The following YIPF4 variants were observed in gnomAD, a reference collection of about 807,000 sequenced individuals.
YIPF4 encodes protein YIPF4.
Under a neutral mutation model 29.4 loss-of-function variants are expected in YIPF4, and 18 were observed. The ratio of observed to expected loss-of-function variants is 0.61; its 90% CI spans 0.42 to 0.91. The LOEUF (loss-of-function observed/expected upper bound fraction) is 0.91, where lower values mean the gene tolerates loss of function less well. Among genes scored for constraint, YIPF4 ranks in the 40% least tolerant of loss-of-function variants. The pLI, the probability that YIPF4 is intolerant of heterozygous loss-of-function variation, is 0.00. For synonymous variants in YIPF4, 115 were observed against 104.7 expected (o/e 1.10, Z -0.60); for missense variants, 279 against 282.7 (o/e 0.99, Z 0.09).
intron 4 of YIPF4, among the ~76,000 whole-genome samples, chr2:32,300,966 C>A (rs2031384129): frequency 6.6e-6 from 1 of 152,194 alleles, no homozygotes; most frequent in African/African-American, 2.4e-5. Flanking sequence ...GGCTACCTTC[C>A]CTTTCCTTCT....
At chr2:32,287,981 A>G (rs974157081) in intron 1 of YIPF4, among the ~76,000 whole-genome samples, 19 of 152,354 alleles carry the variant, frequency 1.2e-4, no homozygotes, top group Non-Finnish European at 2.2e-4. Context: ...AGAGCTGACA[A>G]CCAAGCTAGC....
rs1387906976 is a variant in YIPF4, at chr2:32,311,696, C to G, written c.*6070C>G. On this transcript the variant is annotated 3_prime_UTR_variant, in exon 6 of 6. Coordinates refer to ENST00000238831, the MANE Select transcript of YIPF4 (RefSeq NM_032312.4). ...CCCACCTGTAATAATTTTGTTAACA[C>G]TAGACTATCAGTAAATTATCAAGAA... 2 of 152,172 alleles carry G rather than the reference C, an allele frequency of 1.3e-5. No homozygotes were observed. Among genetic ancestry groups the G allele is most frequent in the African/African-American group, 4.8e-5 (2 of 41,442 alleles). 9.4% of individuals were successfully genotyped at this position (152,172 alleles called of 1,614,324 possible).
intron 1 of YIPF4, among the ~76,000 whole-genome samples, chr2:32,279,188 C>G (rs2148955723): frequency 6.6e-6 from 1 of 151,800 alleles, no homozygotes; most frequent in South Asian, 2.1e-4. Flanking sequence ...CCATGATGGT[C>G]TCTCGATCTC....
chr2:32,280,444 G>A (rs191116312), intron 1 of YIPF4, among the ~76,000 whole-genome samples: 125 of 149,182 alleles, frequency 8.4e-4, no homozygotes, highest in South Asian at 2.7e-3. Context: ...CAGTGGCGCA[G>A]TCTCAGCTCA....
chr2:32,290,629 C>A lies in YIPF4; in HGVS notation c.226C>A (p.Pro76Thr). The stretch of plus-strand genomic sequence containing the variant: ...AGATGATGATCCTGAAGATAACAAG[C>A]CACTCTTGTATGTAAAAATAATAAT... ...VEDDDPEDNK[P>T]LLEELDIDLK... The change falls in exon 2 of 6, where the codon CCA becomes ACA. Residue 76 changes from proline (P) to threonine (T), a missense_variant. Transcript: ENST00000238831. 1 of 1,518,882 alleles carries A rather than the reference C, an allele frequency of 6.6e-7. No homozygotes were observed. The allele number at this position is 1,518,882 out of a possible 1,614,324, so 94.1% of individuals were successfully genotyped here. A position where few individuals can be genotyped will look rare whatever the true frequency, so the allele number is the denominator to read the frequency against.
chr2:32,282,261 T>C (rs1013248476), intron 1 of YIPF4, among the ~76,000 whole-genome samples: 3 of 152,020 alleles, frequency 2.0e-5, no homozygotes, highest in African/African-American at 7.2e-5. Flanking sequence ...TGACACCCCA[T>C]CTCAAAAAAA....
rs1307575503 is a variant in YIPF4 at position 32,293,683 on chromosome 2, C to T, written c.405+1335C>T. On this transcript the variant is annotated intron_variant, in intron 3 of 5. Transcript: ENST00000238831. ...TAGGGGAGGCCGGGCAGAGGCACCC[C>T]TCACCTCCCGGAAGGGGCGGCTGGC... Among the ~76,000 whole-genome samples the T allele has an allele frequency of 4.6e-5, 7 of 152,116 alleles. No homozygotes were observed. In the East Asian group the frequency reaches 1.4e-3, roughly 29 times the overall value.
chr2:32,284,421 A>G (rs1054562186), intron 1 of YIPF4, among the ~76,000 whole-genome samples: 7 of 152,194 alleles, frequency 4.6e-5, no homozygotes, highest in African/African-American at 1.2e-4. Context: ...GCCTGGTGGG[A>G]GGTGACTGGA....
Position 32,310,401 on chromosome 2 carries a change from A to C in YIPF4, c.*4775A>C, listed in dbSNP as rs1477040992. 6.6e-6 allele frequency: 1 copy of C among 152,132 alleles called. No homozygotes were observed. Among genetic ancestry groups the C allele is most frequent in the Admixed American group, 6.5e-5 (1 of 15,272 alleles). 9.4% of individuals were successfully genotyped at this position (152,132 alleles called of 1,614,324 possible). On this transcript the variant is annotated 3_prime_UTR_variant, in exon 6 of 6. Transcript: ENST00000238831. ...GAAGTGCTTCATTCCTCATTTGTGT[A>C]CAGCTGTTCCTCTATATACGAAGGG...
At chr2:32,283,633 C>G (rs554679486) in intron 1 of YIPF4, among the ~76,000 whole-genome samples, 1 of 152,206 alleles carries the variant, frequency 6.6e-6, no homozygotes, top group South Asian at 2.1e-4. Flanking sequence ...TTTTCTATAC[C>G]CCAGTACCTA....
chr2:32,302,063 C>T (rs1573542343), intron 5 of YIPF4, among the ~76,000 whole-genome samples: 1 of 141,574 alleles, frequency 7.1e-6, no homozygotes, highest in Non-Finnish European at 1.5e-5. Context: ...CAGAGTCTTG[C>T]TCTGTCGCCC....
At chr2:32,281,592 A>T (rs2030416440) in intron 1 of YIPF4, among the ~76,000 whole-genome samples, 1 of 152,070 alleles carries the variant, frequency 6.6e-6, no homozygotes, top group South Asian at 2.1e-4. Context: ...CCTGTATTCT[A>T]TAAAGAAACT....
In YIPF4 at chr2:32,290,024, C is replaced by G. The variant is rs1462626887; in HGVS notation, c.80-459C>G. On this transcript the variant is annotated intron_variant, in intron 1 of 5. Coordinates refer to ENST00000238831, the MANE Select transcript of YIPF4 (RefSeq NM_032312.4). ...ACATGAAAAGGTAGAGAAAAATTAT[C>G]TACGAATTTCCTTTAGTAAATAAAT... Among the ~76,000 whole-genome samples, 3 of 152,020 alleles carry G rather than the reference C, an allele frequency of 2.0e-5. No homozygotes were observed. The East Asian group carries it at 5.8e-4, about 29-fold the overall frequency.
chr2:32,289,009 A>C (rs1485570868), intron 1 of YIPF4, among the ~76,000 whole-genome samples: 1 of 152,168 alleles, frequency 6.6e-6, no homozygotes, highest in Admixed American at 6.6e-5. Flanking sequence ...TTAGAAATAG[A>C]CTTTTAAATT....
intron 1 of YIPF4, among the ~76,000 whole-genome samples, chr2:32,284,708 AT>A (rs1159843161): frequency 6.6e-6 from 1 of 152,194 alleles, no homozygotes; most frequent in Non-Finnish European, 1.5e-5. Flanking sequence ...GAATGGACTA[AT>A]ACAGCAAGTA....
chr2:32,305,421 C>CT, intron 5 of YIPF4, 68 bp from the exon 6 acceptor site: 2 of 1,393,382 alleles, frequency 1.4e-6, no homozygotes, highest in Non-Finnish European at 1.9e-6. Context: ...CATTTTTACT[C>CT]TATGATATCC....
At position 32,306,354 on chromosome 2, in the gene YIPF4, G is replaced by T. The variant is rs2031581859; in HGVS notation, c.*728G>T. The T allele has an allele frequency of 1.0e-6, 1 of 985,574 alleles. No individual in the cohort carries two copies. 61.1% of individuals were successfully genotyped at this position (985,574 alleles called of 1,614,324 possible). The stretch of plus-strand genomic sequence containing the variant: ...TGAATGTCCAAACATCTGATTTAAA[G>T]TTTCTGTTTATCTTTCTGACCAAAG... On this transcript the variant is annotated 3_prime_UTR_variant, in exon 6 of 6. Coordinates refer to ENST00000238831, the MANE Select transcript of YIPF4 (RefSeq NM_032312.4).
chr2:32,280,692 A>G (rs2030368301), intron 1 of YIPF4, among the ~76,000 whole-genome samples: 1 of 151,842 alleles, frequency 6.6e-6, no homozygotes. Flanking sequence ...TAATTTTTGA[A>G]CATTTTGTAG....
chr2:32,279,637 C>T (rs576587543), intron 1 of YIPF4, among the ~76,000 whole-genome samples: 10 of 149,896 alleles, frequency 6.7e-5, no homozygotes, highest in Non-Finnish European at 1.5e-4. Flanking sequence ...TCTCGATCTC[C>T]TGACCTCGTG....
Sources: gnomAD v4.1 joint callset for allele counts (sites outside exome capture counted in the v4.1 genomes callset) on GRCh38, gnomAD v4.1.1 for gene constraint, MANE v1.5 for transcripts, NCBI Gene and HGNC (gene_info 2026-07-23, HGNC 2026-07-21) for gene names.